The following FRY variants were observed in gnomAD, a reference collection of about 807,000 sequenced individuals.
FRY encodes protein furry homolog.
In FRY, 128 loss-of-function variants were observed where a neutral mutation model predicts 348.4. The observed-to-expected ratio is 0.37, with a 90% CI of 0.32 to 0.43. FRY has a LOEUF of 0.43. FRY is among the 20% of genes least tolerant of loss of function. The pLI, the probability that FRY is intolerant of heterozygous loss-of-function variation, is 1.00. For synonymous variants in FRY, 1,370 were observed against 1,374.7 expected, an observed-to-expected ratio of 1.00 and a Z score of 0.08; for missense variants, 2,736 against 3,695.2, an observed-to-expected ratio of 0.74 and a Z score of 6.73.
chr13:32,289,025 G>A (rs7326602), intron 58 of FRY, among the ~76,000 whole-genome samples: 8 of 152,218 alleles, frequency 5.3e-5, no homozygotes, highest in African/African-American at 1.4e-4. Flanking sequence ...AAGGGCCATC[G>A]TGTATGATTA....
At chr13:32,271,362 GACT>G (rs1888193281) in intron 55 of FRY, among the ~76,000 whole-genome samples, 1 of 152,124 alleles carries the variant, frequency 6.6e-6, no homozygotes, top group East Asian at 1.9e-4. Flanking sequence ...ATCTTTCAAA[GACT>G]ACTTATGAGA....
intron 41 of FRY, among the ~76,000 whole-genome samples, chr13:32,232,457 G>A (rs1885971171): frequency 6.6e-6 from 1 of 152,160 alleles, no homozygotes; most frequent in Admixed American, 6.5e-5. Flanking sequence ...GTAACAAACA[G>A]CCCCCAGAGC....
At chr13:32,139,183 G>C (rs1384433611) in intron 11 of FRY, among the ~76,000 whole-genome samples, 1 of 152,180 alleles carries the variant, frequency 6.6e-6, no homozygotes, top group African/African-American at 2.4e-5. Context: ...AACCTCTTGA[G>C]TCCTTAGTAA....
intron 11 of FRY, among the ~76,000 whole-genome samples, chr13:32,139,076 A>C: frequency 6.6e-6 from 1 of 152,224 alleles, no homozygotes; most frequent in East Asian, 1.9e-4. Context: ...TAAGATAAAA[A>C]TGAAATAAAA....
chr13:32,136,623 A>G (rs1373621200), intron 10 of FRY, among the ~76,000 whole-genome samples: 1 of 152,218 alleles, frequency 6.6e-6, no homozygotes, highest in African/African-American at 2.4e-5. Context: ...ATTATACATG[A>G]AACTTCTTTC....
intron 53 of FRY, among the ~76,000 whole-genome samples, chr13:32,263,968 C>T (rs1262387396): frequency 6.6e-6 from 1 of 152,058 alleles, no homozygotes; most frequent in Non-Finnish European, 1.5e-5. Context: ...GATCGCACCA[C>T]TGCACTCCAG....
chr13:32,119,919 G>A (rs1028934560), intron 4 of FRY, among the ~76,000 whole-genome samples: 2 of 152,114 alleles, frequency 1.3e-5, no homozygotes, highest in East Asian at 1.9e-4. Flanking sequence ...TTCTTAACGC[G>A]TTCTGTCATC....
chr13:32,259,667 T>C (rs1887527878), intron 51 of FRY, among the ~76,000 whole-genome samples: 2 of 152,220 alleles, frequency 1.3e-5, no homozygotes, highest in East Asian at 3.9e-4. Flanking sequence ...GTCCCTATAA[T>C]TTTCACATTC....
intron 23 of FRY, among the ~76,000 whole-genome samples, chr13:32,181,812 A>G (rs909221017): frequency 6.6e-6 from 1 of 152,094 alleles, no homozygotes; most frequent in African/African-American, 2.4e-5. Context: ...AAAAATATAT[A>G]AGTGTATCTG....
intron 58 of FRY, among the ~76,000 whole-genome samples, chr13:32,282,103 G>T (rs1160701998): frequency 6.6e-6 from 1 of 152,176 alleles, no homozygotes; most frequent in African/African-American, 2.4e-5. Context: ...TAAATATTAA[G>T]ATCTTATATC....
chr13:32,108,324 G>A (rs1593621329), intron 3 of FRY, among the ~76,000 whole-genome samples: 1 of 152,202 alleles, frequency 6.6e-6, no homozygotes, highest in South Asian at 2.1e-4. Flanking sequence ...GAATCGATAG[G>A]ATTTGCTGAG....
chr13:32,168,349 C>T (rs901757244), intron 17 of FRY, among the ~76,000 whole-genome samples: 1 of 152,190 alleles, frequency 6.6e-6, no homozygotes, highest in African/African-American at 2.4e-5. Context: ...AAATGAGGCC[C>T]ACCCACATGA....
intron 59 of FRY, among the ~76,000 whole-genome samples, chr13:32,292,911 CCATTAA>C (rs1255069718): frequency 6.6e-6 from 1 of 152,144 alleles, no homozygotes; most frequent in Non-Finnish European, 1.5e-5. Context: ...CAGTCAGCAG[CCATTAA>C]CATTAAGGCA....
chr13:32,179,968 C>T (rs563354265), intron 23 of FRY, among the ~76,000 whole-genome samples, 169 bp downstream of exon 23: 1 of 152,294 alleles, frequency 6.6e-6, no homozygotes, highest in African/African-American at 2.4e-5. Context: ...ACAAGCATTC[C>T]TTGCAACTGC....
chr13:32,099,190 A>G (rs904164738), intron 2 of FRY, among the ~76,000 whole-genome samples: 2 of 152,000 alleles, frequency 1.3e-5, no homozygotes, highest in African/African-American at 4.8e-5. Flanking sequence ...TTGATATATA[A>G]CTTTTGCATT....
chr13:32,086,906 C>T (rs1046970980), intron 2 of FRY, among the ~76,000 whole-genome samples: 1 of 152,082 alleles, frequency 6.6e-6, no homozygotes, highest in African/African-American at 2.4e-5. Context: ...GCCTTAGTAG[C>T]CTTGTTCACA....
At chr13:32,081,571 C>T (rs1431355888) in intron 2 of FRY, among the ~76,000 whole-genome samples, 1 of 152,158 alleles carries the variant, frequency 6.6e-6, no homozygotes, top group Non-Finnish European at 1.5e-5. Flanking sequence ...GTGATCCTCC[C>T]GTCTTGGCCT....
At position 32,105,579 on chromosome 13, in the gene FRY, G is replaced by A. The variant is rs190532840; in HGVS notation, c.324+3563G>A. On this transcript the variant is annotated intron_variant, in intron 3 of 60. Coordinates refer to ENST00000542859, the MANE Select transcript of FRY (RefSeq NM_023037.3). The stretch of plus-strand genomic sequence containing the variant: ...TTATATAGTTTTATTCCAAACAGTA[G>A]GATTTTAATCTGGGTTGCCACAGAA... 1.4e-3 allele frequency among the ~76,000 whole-genome samples: 217 copies of A among 152,278 alleles called. 1 individual carries two copies. Among genetic ancestry groups the A allele is most frequent in the South Asian group, 6.4e-3 (31 of 4,824 alleles).
chr13:32,109,694 C>G (rs571022041), intron 3 of FRY, among the ~76,000 whole-genome samples: 1 of 152,138 alleles, frequency 6.6e-6, no homozygotes, highest in African/African-American at 2.4e-5. Context: ...GCTATGAGCT[C>G]TTCAAGCAGA....
Sources: gnomAD v4.1 joint callset for allele counts (sites outside exome capture counted in the v4.1 genomes callset) on GRCh38, gnomAD v4.1.1 for gene constraint, MANE v1.5 for transcripts, NCBI Gene and HGNC (gene_info 2026-07-23, HGNC 2026-07-21) for gene names.